Variants in GJB2 observed in about 807,000 individuals in gnomAD.
GJB2 encodes the protein gap junction beta-2 protein.
Under a neutral mutation model 16.0 loss-of-function variants are expected in GJB2, and 30 were observed. The observed-to-expected ratio is 1.88, with a 90% CI of 1.41 to 2.55. The LOEUF is 2.55. GJB2 is among the 30% of genes most tolerant of loss of function. The pLI is 0.00. For synonymous variants in GJB2, 123 were observed against 119.1 expected, an observed-to-expected ratio of 1.03 and a Z score of -0.21; for missense variants, 284 against 289.7, an observed-to-expected ratio of 0.98 and a Z score of 0.14.
chr13:20,189,519 TCCAA>T lies in GJB2; in HGVS notation c.59_62del (p.Ile20LysfsTer14). On this transcript the variant is annotated frameshift_variant, in exon 2 of 2. Coordinates refer to ENST00000382848, the MANE Select transcript of GJB2 (RefSeq NM_004004.6). LOFTEE classifies it high-confidence loss of function. Reference sequence around the variant, plus strand: ...TGAAGAGGACGGTGAGCCAGATCTTTCCAATGCTGGTGGAGTGTTTGTTCACACC... The same window carrying T: ...TGAAGAGGACGGTGAGCCAGATCTTTTGCTGGTGGAGTGTTTGTTCACACC... 1 of 1,614,090 alleles carries T rather than the reference TCCAA, an allele frequency of 6.2e-7. No individual in the cohort carries two copies. Among genetic ancestry groups the T allele is most frequent in the South Asian group, 1.1e-5 (1 of 91,082 alleles).
chr13:20,191,256 T>C (rs768062394), intron 1 of GJB2, among the ~76,000 whole-genome samples: 1 of 152,022 alleles, frequency 6.6e-6, no homozygotes, highest in Non-Finnish European at 1.5e-5. Context: ...TTAGACATTC[T>C]TCATTGGCCC....
At chr13:20,189,849 A>G in intron 1 of GJB2, 1 of 541,608 alleles carries the variant, frequency 1.8e-6, no homozygotes, top group Admixed American at 3.1e-5. Context: ...TGTTCACCTG[A>G]GTAATTCACC....
At position 20,188,912 on chromosome 13, in the gene GJB2, T is replaced by A; in HGVS notation, c.670A>T (p.Lys224Ter). ...LIRYCSGKSK[K>*]PV Reference sequence around the variant, plus strand: ...AACTGGGCAATGCGTTAAACTGGCTTTTTTGACTTCCCAGAACAATATCTA... The same window carrying A: ...AACTGGGCAATGCGTTAAACTGGCTATTTTGACTTCCCAGAACAATATCTA... Residue 224 changes from lysine (K) to a stop codon, truncating the protein, a stop_gained, in exon 2 of 2, where the codon AAG (lysine) becomes TAG (stop). Transcript: ENST00000382848. LOFTEE classifies it high-confidence loss of function. The A allele has an allele frequency of 6.2e-7, 1 of 1,613,134 alleles. No individual in the cohort carries two copies. Among genetic ancestry groups the A allele is most frequent in the South Asian group, 1.1e-5 (1 of 91,080 alleles).
chr13:20,192,368 G>C (rs1231848275), intron 1 of GJB2, among the ~76,000 whole-genome samples: 1 of 152,170 alleles, frequency 6.6e-6, no homozygotes, highest in African/African-American at 2.4e-5. Context: ...CTGCTTCACC[G>C]GCGAAACGGA....
chr13:20,189,725 C>A, intron 1 of GJB2, 122 bp from the exon 2 acceptor site: 1 of 771,222 alleles, frequency 1.3e-6, no homozygotes. Flanking sequence ...AACTCTTACA[C>A]AACCTCACCA....
At position 20,189,570 on chromosome 13, in the gene GJB2, GC is replaced by G. The variant is rs1555342014; in HGVS notation, c.11del (p.Gly4AlafsTer10). ...CACCCCCCAGGATCGTCTGCAGCGT[GC>G]CCCAATCCATCTTCTACTCTGGGCG... MDWGTLQTILGGVN... is the reference protein window; with the variant it reads MDWXTLQTILGGVN... On this transcript the variant is annotated frameshift_variant, in exon 2 of 2. Coordinates refer to ENST00000382848, the MANE Select transcript of GJB2 (RefSeq NM_004004.6). LOFTEE classifies it high-confidence loss of function. The G allele has an allele frequency of 6.2e-7, 1 of 1,614,138 alleles. No homozygotes were observed.
intron 1 of GJB2, 167 bp from the exon 2 acceptor site, chr13:20,189,770 T>C (rs1959065854): frequency 1.5e-6 from 1 of 666,486 alleles, no homozygotes; most frequent in African/African-American, 1.8e-5. Flanking sequence ...TAGTTTGTCA[T>C]AGGATTAAAT....
At position 20,188,844 on chromosome 13, in the gene GJB2, G is replaced by A. The variant is rs760807742; in HGVS notation, c.*57C>T. ...CGACTGAGCCTTGACAGCTGAGCAC[G>A]GGTTGCCTCATCCCTCTCATGCTGT... is the stretch of plus-strand genomic sequence containing the variant. On this transcript the variant is annotated 3_prime_UTR_variant, in exon 2 of 2. Transcript: ENST00000382848. 6 of 1,336,926 alleles carry A rather than the reference G, an allele frequency of 4.5e-6. No homozygotes were observed. The highest frequency in any genetic ancestry group is 2.3e-5 in the South Asian group (2 of 85,366). 82.8% of individuals were successfully genotyped at this position (1,336,926 alleles called of 1,614,324 possible).
chr13:20,189,010 AAGAC>A lies in GJB2; in HGVS notation c.568_571del (p.Val190SerfsTer5). The A allele has an allele frequency of 6.2e-7, 1 of 1,613,888 alleles. No individual in the cohort carries two copies. Among genetic ancestry groups the A allele is most frequent in the Non-Finnish European group, 8.5e-7 (1 of 1,179,778 alleles). ...AGACACTGCAATCATGAACACTGTG[AAGAC>A]AGTCTTCTCCGTGGGCCGGGACACA... On this transcript the variant is annotated frameshift_variant, in exon 2 of 2. Coordinates refer to ENST00000382848, the MANE Select transcript of GJB2 (RefSeq NM_004004.6). LOFTEE classifies it high-confidence loss of function.
chr13:20,190,793 A>T (rs1959072008), intron 1 of GJB2, among the ~76,000 whole-genome samples: 1 of 152,214 alleles, frequency 6.6e-6, no homozygotes, highest in South Asian at 2.1e-4. Context: ...CAGAGCTGGT[A>T]GTGAATCCTC....
Position 20,192,772 on chromosome 13 carries a change from G to T in GJB2, c.-23+11C>A. 2 of 153,026 alleles carry T rather than the reference G, an allele frequency of 1.3e-5. No individual in the cohort carries two copies. The highest frequency in any genetic ancestry group is 3.8e-4 in the South Asian group (2 of 5,262). 9.5% of individuals were successfully genotyped at this position (153,026 alleles called of 1,614,324 possible). ...GTTCCTGGCCGGGCAGTCCGGGGCC[G>T]GCGGGCTCACCTGCGTCGGGAGGAA... is the stretch of plus-strand genomic sequence containing the variant. On this transcript the variant is annotated intron_variant, in intron 1 of 1. Coordinates refer to ENST00000382848, the MANE Select transcript of GJB2 (RefSeq NM_004004.6).
intron 1 of GJB2, among the ~76,000 whole-genome samples, chr13:20,191,856 C>T (rs1001880027): frequency 2.6e-5 from 4 of 152,210 alleles, no homozygotes; most frequent in Admixed American, 1.3e-4. Context: ...GCCTGGCTGT[C>T]CCCAGAGGGT....
Position 20,189,017 on chromosome 13 carries a change from T to C in GJB2, c.565A>G (p.Thr189Ala). ...GCAATCATGAACACTGTGAAGACAG[T>C]CTTCTCCGTGGGCCGGGACACAAAG... ...DCFVSRPTEK[T>A]VFTVFMIAVS... The change falls in exon 2 of 2, where the codon ACT (threonine) becomes GCT (alanine). Residue 189 changes from threonine (T) to alanine (A), a missense_variant. Transcript: ENST00000382848. 6.2e-7 allele frequency: 1 copy of C among 1,614,058 alleles called. No individual in the cohort carries two copies. Among genetic ancestry groups the C allele is most frequent in the South Asian group, 1.1e-5 (1 of 91,078 alleles).
Position 20,188,925 on chromosome 13 carries a change from A to C in GJB2, c.657T>G (p.Ser219=). 6.2e-7 allele frequency: 1 copy of C among 1,613,424 alleles called. No individual in the cohort carries two copies. The highest frequency in any genetic ancestry group is 8.5e-7 in the Non-Finnish European group (1 of 1,179,978). Residue 219 remains serine (S), a synonymous_variant, in exon 2 of 2, where the codon TCT becomes TCG. Coordinates refer to ENST00000382848, the MANE Select transcript of GJB2 (RefSeq NM_004004.6). The part of the protein sequence containing the change: ...ELCYLLIRYC[S]GKSKKPV Reference sequence around the variant, plus strand: ...GTTAAACTGGCTTTTTTGACTTCCCAGAACAATATCTAATTAGCAAATAAC... The same window carrying C: ...GTTAAACTGGCTTTTTTGACTTCCCCGAACAATATCTAATTAGCAAATAAC...
rs756962156 is a variant in GJB2, at chr13:20,188,867, T to C, written c.*34A>G. On this transcript the variant is annotated 3_prime_UTR_variant, in exon 2 of 2. Transcript: ENST00000382848. Reference sequence around the variant, plus strand: ...ACGGGTTGCCTCATCCCTCTCATGCTGTCTATTTCTTAATCTAACAACTGG... The same window carrying C: ...ACGGGTTGCCTCATCCCTCTCATGCCGTCTATTTCTTAATCTAACAACTGG... 3.2e-6 allele frequency: 5 copies of C among 1,546,218 alleles called. No individual in the cohort carries two copies. Among genetic ancestry groups the C allele is most frequent in the Non-Finnish European group, 2.7e-6 (3 of 1,119,162 alleles).
rs775828835 is a variant in GJB2, at chr13:20,189,283, TG to T, written c.298del (p.His100MetfsTer12). 4 of 1,613,866 alleles carry T rather than the reference TG, an allele frequency of 2.5e-6. No individual in the cohort carries two copies. In the Admixed American group the frequency reaches 6.7e-5, roughly 27 times the overall value. ...LVAMHVAYRR[H>X]EKKRKFIKGE... ...CTTGATGAACTTCCTCTTCTTCTCA[TG>T]TCTCCGGTAGGCCACGTGCATGGCC... On this transcript the variant is annotated frameshift_variant, in exon 2 of 2. Coordinates refer to ENST00000382848, the MANE Select transcript of GJB2 (RefSeq NM_004004.6). LOFTEE classifies it high-confidence loss of function.
rs111033299 is a variant in GJB2 at position 20,189,299 on chromosome 13, C to T, written c.283G>A (p.Val95Met). Reference sequence around the variant, plus strand: ...TTCTTCTCATGTCTCCGGTAGGCCACGTGCATGGCCACTAGGAGCGCTGGC... The same window carrying T: ...TTCTTCTCATGTCTCCGGTAGGCCATGTGCATGGCCACTAGGAGCGCTGGC... ...STPALLVAMHVAYRRHEKKRK... is the reference protein window; with the variant it reads ...STPALLVAMHMAYRRHEKKRK... The change falls in exon 2 of 2, where the codon GTG becomes ATG. Residue 95 changes from valine (V) to methionine (M), a missense_variant. Transcript: ENST00000382848. 78 of 1,613,992 alleles carry T rather than the reference C, an allele frequency of 4.8e-5. No individual in the cohort carries two copies. The highest frequency in any genetic ancestry group is 2.2e-4 in the Admixed American group (13 of 60,020).
At position 20,189,251 on chromosome 13, in the gene GJB2, T is replaced by C. The variant is rs1003660637; in HGVS notation, c.331A>G (p.Ile111Val). Residue 111 changes from isoleucine to valine, a missense_variant, in exon 2 of 2, where the codon ATA becomes GTA. Physicochemically the swap from Ile to Val is conservative, Grantham distance 29. Coordinates refer to ENST00000382848, the MANE Select transcript of GJB2 (RefSeq NM_004004.6). ...TCGATGTCCTTAAATTCACTCTTTA[T>C]CTCCCCCTTGATGAACTTCCTCTTC... ...EKKRKFIKGE[I>V]KSEFKDIEEI... 3 of 1,613,542 alleles carry C rather than the reference T, an allele frequency of 1.9e-6. No homozygotes were observed. In the Admixed American group the frequency reaches 5.0e-5, roughly 27 times the overall value.
rs372894720 is a variant in GJB2, at chr13:20,190,526, G to A, written c.-22-923C>T. Among the ~76,000 whole-genome samples, 93 of 152,308 alleles carry A rather than the reference G, an allele frequency of 6.1e-4. 1 individual carries two copies. The highest frequency in any genetic ancestry group is 3.7e-3 in the East Asian group (19 of 5,190). On this transcript the variant is annotated intron_variant, in intron 1 of 1. Transcript: ENST00000382848. Reference sequence around the variant, plus strand: ...AAATGACAGAAAATTCAACTCCCTCGGTTACTGGCCCAGCTAAGCGACGTC... The same window carrying A: ...AAATGACAGAAAATTCAACTCCCTCAGTTACTGGCCCAGCTAAGCGACGTC...
Sources: allele counts gnomAD v4.1 joint callset (sites outside exome capture counted in the v4.1 genomes callset), GRCh38; gene constraint gnomAD v4.1.1; transcripts MANE v1.5; gene names NCBI Gene and HGNC (gene_info 2026-07-23, HGNC 2026-07-21).